Variants in EPHB1 observed in about 807,000 individuals in gnomAD.
EPHB1 encodes ephrin type-B receptor 1.
EPHB1 carries 30 observed loss-of-function variants against 94.4 expected under a neutral mutation model. The observed-to-expected ratio is 0.32, with a 90% confidence interval of 0.24 to 0.43. EPHB1 has a LOEUF of 0.43. EPHB1 is among the 20% of genes least tolerant of loss of function. The pLI is 1.00. For missense variants in EPHB1, 1,055 were observed against 1,308.3 expected, an observed-to-expected ratio of 0.81 and a Z score of 2.99; for synonymous variants, 522 against 489.1, an observed-to-expected ratio of 1.07 and a Z score of -0.89.
intron 3 of EPHB1, among the ~76,000 whole-genome samples, chr3:134,973,240 G>A (rs1402598699): frequency 6.6e-6 from 1 of 152,078 alleles, no homozygotes; most frequent in Non-Finnish European, 1.5e-5. Flanking sequence ...TGTGTTCACT[G>A]GCTCCCTTGC....
intron 15 of EPHB1, among the ~76,000 whole-genome samples, chr3:135,254,661 T>A (rs1331913681): frequency 6.7e-6 from 1 of 148,624 alleles, no homozygotes; most frequent in African/African-American, 2.5e-5. Context: ...TCAGGGATAT[T>A]GGTCTAAAAT....
chr3:135,242,161 G>C (rs1576494490), intron 13 of EPHB1, among the ~76,000 whole-genome samples: 1 of 152,172 alleles, frequency 6.6e-6, no homozygotes, highest in Admixed American at 6.5e-5. Context: ...CCAGGGACCA[G>C]GCCTCTTTTG....
At chr3:135,027,426 G>C (rs71334098) in intron 3 of EPHB1, among the ~76,000 whole-genome samples, 32 of 144,554 alleles carry the variant, frequency 2.2e-4, no homozygotes, top group Non-Finnish European at 4.1e-4. Flanking sequence ...TAGCATGAAG[G>C]GTTGTTGAAT....
chr3:135,143,525 C>T (rs774675129), intron 5 of EPHB1, among the ~76,000 whole-genome samples: 7 of 152,128 alleles, frequency 4.6e-5, no homozygotes, highest in Non-Finnish European at 1.0e-4. Context: ...ACACAACTTG[C>T]GGTGGGGTAT....
At chr3:134,912,570 G>T (rs898051225) in intron 1 of EPHB1, among the ~76,000 whole-genome samples, 1 of 152,212 alleles carries the variant, frequency 6.6e-6, no homozygotes, top group African/African-American at 2.4e-5. Flanking sequence ...TGGCAGAAGG[G>T]TATGCTCTGT....
intron 6 of EPHB1, chr3:135,154,517 T>A (rs1941292795): frequency 2.2e-6 from 1 of 453,506 alleles, no homozygotes; most frequent in African/African-American, 2.0e-5. Flanking sequence ...GCAATCTGGA[T>A]AGTTCACTGG....
At chr3:135,126,021 T>G (rs1940177515) in intron 4 of EPHB1, among the ~76,000 whole-genome samples, 2 of 152,202 alleles carry the variant, frequency 1.3e-5, no homozygotes, top group Non-Finnish European at 2.9e-5. Flanking sequence ...AACACTCTGG[T>G]AGAATCCTTA....
chr3:135,003,134 G>A (rs1241941489), intron 3 of EPHB1, among the ~76,000 whole-genome samples: 2 of 151,080 alleles, frequency 1.3e-5, no homozygotes, highest in African/African-American at 4.9e-5. Flanking sequence ...CTTTGAATGT[G>A]TCCCAGAGAT....
intron 1 of EPHB1, among the ~76,000 whole-genome samples, chr3:134,858,652 G>C (rs1360392773): frequency 1.3e-5 from 2 of 152,196 alleles, no homozygotes; most frequent in East Asian, 3.8e-4. Context: ...CTCTGCTCTG[G>C]AAAGGCTGCT....
intron 12 of EPHB1, among the ~76,000 whole-genome samples, chr3:135,214,954 C>T (rs2107717449): frequency 6.6e-6 from 1 of 152,154 alleles, no homozygotes; most frequent in South Asian, 2.1e-4. Context: ...TGAACTTGGG[C>T]CTAGTTCTCT....
intron 4 of EPHB1, among the ~76,000 whole-genome samples, chr3:135,108,495 C>T (rs956822237): frequency 3.9e-5 from 6 of 152,196 alleles, no homozygotes. Flanking sequence ...CCAGGGACCC[C>T]TCCACCCTTG....
chr3:135,068,707 G>C (rs780508801), intron 3 of EPHB1, among the ~76,000 whole-genome samples: 2 of 150,172 alleles, frequency 1.3e-5, no homozygotes, highest in African/African-American at 2.4e-5. Context: ...GGAGTGCAGT[G>C]GCGCAATCTC....
At chr3:134,841,938 A>C (rs2036785729) in intron 1 of EPHB1, among the ~76,000 whole-genome samples, 1 of 152,144 alleles carries the variant, frequency 6.6e-6, no homozygotes, top group African/African-American at 2.4e-5. Flanking sequence ...AGCTGGGGAA[A>C]GGATAAAAGT....
chr3:135,029,319 G>C (rs1379622851), intron 3 of EPHB1, among the ~76,000 whole-genome samples: 11 of 151,970 alleles, frequency 7.2e-5, no homozygotes, highest in African/African-American at 2.2e-4. Context: ...TTCCTAGTCT[G>C]GATGGTCTTT....
In EPHB1 at chr3:135,159,256, G is replaced by A. The variant is rs112987662; in HGVS notation, c.1423-2762G>A. 9.6e-3 allele frequency among the ~76,000 whole-genome samples: 1,466 copies of A among 152,278 alleles called. 16 individuals carry two copies. Among genetic ancestry groups the A allele is most frequent in the Non-Finnish European group, 0.012 (807 of 68,010 alleles). On this transcript the variant is annotated intron_variant, in intron 6 of 15. Coordinates refer to ENST00000398015, the MANE Select transcript of EPHB1 (RefSeq NM_004441.5). ...TTGCCTGAAATTGATTAATGATTTT[G>A]TGGGGAACAAGAACTAATATTCATT...
At chr3:135,235,278 A>G (rs1943625242) in intron 12 of EPHB1, among the ~76,000 whole-genome samples, 1 of 152,198 alleles carries the variant, frequency 6.6e-6, no homozygotes, top group Admixed American at 6.5e-5. Flanking sequence ...ATTTAAGACA[A>G]TTCCTAAAGC....
intron 1 of EPHB1, among the ~76,000 whole-genome samples, chr3:134,873,516 A>G (rs978407200): frequency 1.3e-5 from 2 of 152,196 alleles, no homozygotes; most frequent in African/African-American, 4.8e-5. Context: ...GTATATATTT[A>G]TTGGGGAAAT....
At chr3:135,207,288 T>A (rs1430261444) in intron 12 of EPHB1, among the ~76,000 whole-genome samples, 2 of 152,266 alleles carry the variant, frequency 1.3e-5, no homozygotes, top group African/African-American at 4.8e-5. Context: ...CCTGTCTCAC[T>A]ATATTTTACT....
At chr3:134,944,169 G>A (rs115944174) in intron 2 of EPHB1, among the ~76,000 whole-genome samples, 2 of 152,168 alleles carry the variant, frequency 1.3e-5, no homozygotes, top group Admixed American at 1.3e-4. Flanking sequence ...CTCTCTGTCT[G>A]TAGATTTGCC....
Sources: allele counts gnomAD v4.1 joint callset (sites outside exome capture counted in the v4.1 genomes callset), GRCh38; gene constraint gnomAD v4.1.1; transcripts MANE v1.5; gene names NCBI Gene and HGNC (gene_info 2026-07-23, HGNC 2026-07-21).